Variants in ATXN1 observed in about 807,000 individuals in gnomAD.
ATXN1 encodes ataxin-1.
ATXN1 carries 8 observed loss-of-function variants against 56.4 expected under a neutral mutation model. The ratio of observed to expected loss-of-function variants is 0.14; its 90% CI spans 0.08 to 0.26. The LOEUF (loss-of-function observed/expected upper bound fraction) is 0.26, where lower values mean the gene tolerates loss of function less well. ATXN1 is among the 10% of genes least tolerant of loss of function. The probability of loss-of-function intolerance (pLI) is 1.00; values close to 1 mark genes in which losing one functional copy is unlikely to be tolerated. For synonymous variants in ATXN1, 514 were observed against 494.6 expected, an observed-to-expected ratio of 1.04 and a Z score of -0.52; for missense variants, 987 against 1,106.5, an observed-to-expected ratio of 0.89 and a Z score of 1.53.
Position 16,346,044 on chromosome 6 carries a change from C to T in ATXN1, c.-160-17574G>A, listed in dbSNP as rs145853738. ...CTGCATCCGGCAGGAAGTGTGAGGG[C>T]GGTTCTATATTCTTTTAATTATTTA... is the stretch of plus-strand genomic sequence containing the variant. On this transcript the variant is annotated intron_variant, in intron 6 of 7. Transcript: ENST00000436367. Among the ~76,000 whole-genome samples the T allele has an allele frequency of 1.6e-3, 237 of 152,164 alleles. 1 individual carries two copies. Among genetic ancestry groups the T allele is most frequent in the African/African-American group, 5.0e-3 (207 of 41,520 alleles).
intron 2 of ATXN1, among the ~76,000 whole-genome samples, chr6:16,680,261 C>T (rs931343981): frequency 2.0e-5 from 3 of 151,978 alleles, no homozygotes; most frequent in African/African-American, 7.3e-5. Context: ...CAGGGGTAGA[C>T]CCAGGCATCT....
At chr6:16,391,327 A>G (rs1251200116) in intron 6 of ATXN1, among the ~76,000 whole-genome samples, 1 of 152,128 alleles carries the variant, frequency 6.6e-6, no homozygotes, top group Non-Finnish European at 1.5e-5. Context: ...ATTGTGCACA[A>G]TTCAATCAGA....
chr6:16,389,252 G>A (rs928097911), intron 6 of ATXN1, among the ~76,000 whole-genome samples: 6 of 151,304 alleles, frequency 4.0e-5, no homozygotes, highest in South Asian at 4.2e-4. Context: ...CAGGAGAATC[G>A]CTTGAACCCG....
At chr6:16,496,553 C>T (rs1581801699) in intron 5 of ATXN1, among the ~76,000 whole-genome samples, 1 of 152,192 alleles carries the variant, frequency 6.6e-6, no homozygotes, top group South Asian at 2.1e-4. Flanking sequence ...GGTCACACTG[C>T]ATCATGAAGG....
chr6:16,409,638 G>A (rs1212655849), intron 6 of ATXN1, among the ~76,000 whole-genome samples: 1 of 128,590 alleles, frequency 7.8e-6, no homozygotes, highest in East Asian at 2.1e-4. Context: ...GGGCAATAGA[G>A]TAAGACTAGG....
chr6:16,661,566 C>A (rs1415839269), intron 2 of ATXN1, among the ~76,000 whole-genome samples: 1 of 152,206 alleles, frequency 6.6e-6, no homozygotes, highest in African/African-American at 2.4e-5. Context: ...GGAATTCATG[C>A]CCTTGTAAAG....
chr6:16,730,487 G>GTGTATATATATATATATATATATA (rs141836403), intron 2 of ATXN1, among the ~76,000 whole-genome samples: 1,810 of 131,690 alleles, frequency 0.014, 105 homozygotes, highest in South Asian at 0.023. Flanking sequence ...AAAACAGTAT[G>GTGTATATATATATATATATATATA]TATATATATA....
intron 2 of ATXN1, among the ~76,000 whole-genome samples, chr6:16,704,858 T>C (rs916695211): frequency 6.6e-6 from 1 of 152,204 alleles, no homozygotes; most frequent in African/African-American, 2.4e-5. Flanking sequence ...TCTGCACCAA[T>C]GTGCAGAACT....
intron 7 of ATXN1, among the ~76,000 whole-genome samples, chr6:16,319,164 G>A (rs1760587496): frequency 6.6e-6 from 1 of 151,570 alleles, no homozygotes; most frequent in African/African-American, 2.4e-5. Context: ...GCTGCAGTGA[G>A]CTATTATGGT....
At chr6:16,733,729 C>T (rs1044088309) in intron 2 of ATXN1, among the ~76,000 whole-genome samples, 7 of 152,202 alleles carry the variant, frequency 4.6e-5, no homozygotes, top group Non-Finnish European at 8.8e-5. Flanking sequence ...TGCCTGTAAT[C>T]CCAGCTACTT....
chr6:16,530,565 G>A (rs537078952), intron 4 of ATXN1, among the ~76,000 whole-genome samples: 4 of 151,960 alleles, frequency 2.6e-5, no homozygotes, highest in South Asian at 4.2e-4. Flanking sequence ...CTACCCCATC[G>A]TTTTACTTAA....
chr6:16,689,047 C>CTGTGTGTGTGTG (rs149330723), intron 2 of ATXN1, among the ~76,000 whole-genome samples: 1 of 151,444 alleles, frequency 6.6e-6, no homozygotes, highest in African/African-American at 2.4e-5. Context: ...TATGTGTACT[C>CTGTGTGTGTGTG]TGTGTGTGTG....
intron 6 of ATXN1, among the ~76,000 whole-genome samples, chr6:16,460,165 G>C (rs1455498573): frequency 3.3e-5 from 5 of 152,154 alleles, no homozygotes; most frequent in African/African-American, 1.2e-4. Context: ...CTAGTAGAAT[G>C]GGAACCAGAG....
chr6:16,533,735 C>G (rs1005095870), intron 4 of ATXN1, among the ~76,000 whole-genome samples: 4 of 152,170 alleles, frequency 2.6e-5, no homozygotes, highest in African/African-American at 9.7e-5. Context: ...TCTTCTTTCC[C>G]TAACCATTCT....
At chr6:16,557,032 A>T (rs1457592095) in intron 4 of ATXN1, among the ~76,000 whole-genome samples, 2 of 152,202 alleles carry the variant, frequency 1.3e-5, no homozygotes, top group Non-Finnish European at 2.9e-5. Context: ...TGCAAGATCT[A>T]CATAAAGAGG....
chr6:16,390,090 A>C (rs1006374915), intron 6 of ATXN1, among the ~76,000 whole-genome samples: 5 of 152,338 alleles, frequency 3.3e-5, no homozygotes, highest in African/African-American at 9.6e-5. Flanking sequence ...AAGTATCTGT[A>C]ATGTCTGGCT....
chr6:16,411,713 G>A (rs962810669), intron 6 of ATXN1, among the ~76,000 whole-genome samples: 24 of 152,314 alleles, frequency 1.6e-4, no homozygotes, highest in African/African-American at 4.6e-4. Context: ...GAATGTCACC[G>A]TAGTATGGAT....
At chr6:16,711,567 CAT>C (rs1759524586) in intron 2 of ATXN1, among the ~76,000 whole-genome samples, 1 of 143,696 alleles carries the variant, frequency 7.0e-6, no homozygotes, top group Non-Finnish European at 1.5e-5. Context: ...TATATACACA[CAT>C]ATATGTAAGT....
intron 4 of ATXN1, among the ~76,000 whole-genome samples, chr6:16,575,993 C>T (rs1014058148): frequency 1.3e-5 from 2 of 152,100 alleles, no homozygotes; most frequent in East Asian, 1.9e-4. Flanking sequence ...TAATTCCCCA[C>T]ATCAAACCTC....
Sources: gnomAD v4.1 joint callset for allele counts (sites outside exome capture counted in the v4.1 genomes callset) on GRCh38, gnomAD v4.1.1 for gene constraint, MANE v1.5 for transcripts, NCBI Gene and HGNC (gene_info 2026-07-23, HGNC 2026-07-21) for gene names.